The following RGS6 variants were observed in gnomAD, a reference collection of about 807,000 sequenced individuals.
The protein encoded by RGS6 is regulator of G protein signaling 6.
In RGS6, 30 loss-of-function variants were observed where a neutral mutation model predicts 78.5. The observed-to-expected ratio is 0.38, with a 90% CI of 0.29 to 0.52. RGS6 has a LOEUF of 0.52. Among genes scored for constraint, RGS6 ranks in the 20% least tolerant of loss-of-function variants. The pLI, the probability that RGS6 is intolerant of heterozygous loss-of-function variation, is 0.85. For missense variants in RGS6, 495 were observed against 609.7 expected (o/e 0.81, Z 1.98); for synonymous variants, 206 against 206.0 (o/e 1.00, Z 0.00).
At chr14:72,500,869 G>T (rs2096715097) in intron 13 of RGS6, among the ~76,000 whole-genome samples, 1 of 152,184 alleles carries the variant, frequency 6.6e-6, no homozygotes. Context: ...TAGCATTGAG[G>T]TGACCAGGGA....
chr14:72,078,525 C>T (rs948266336), intron 2 of RGS6, among the ~76,000 whole-genome samples: 39 of 151,976 alleles, frequency 2.6e-4, no homozygotes, highest in African/African-American at 8.2e-4. Flanking sequence ...GTGATTCTCC[C>T]GCCTCAGCTT....
At chr14:72,203,024 G>A (rs1185007896) in intron 2 of RGS6, among the ~76,000 whole-genome samples, 7 of 152,008 alleles carry the variant, frequency 4.6e-5, no homozygotes, top group East Asian at 3.9e-4. Flanking sequence ...ACAGGCGCCC[G>A]CCACCACACC....
At chr14:72,553,192 G>A (rs2153536096) in intron 17 of RGS6, 1 of 152,754 alleles carries the variant, frequency 6.5e-6, no homozygotes, top group South Asian at 2.1e-4. Flanking sequence ...GCAGCTGTGT[G>A]TGTGTCTGGG....
At position 72,476,782 on chromosome 14, in the gene RGS6, C is replaced by G. The variant is rs758574910; in HGVS notation, c.734C>G (p.Pro245Arg). The G allele has an allele frequency of 6.2e-7, 1 of 1,614,162 alleles. No homozygotes were observed. Among genetic ancestry groups the G allele is most frequent in the East Asian group, 2.2e-5 (1 of 44,886 alleles). Residue 245 changes from proline to arginine, a missense_variant, in exon 11 of 18, where the codon CCG (proline) becomes CGG (arginine). Pro to Arg is a moderately radical substitution (Grantham distance 103). Coordinates refer to ENST00000553525, the MANE Select transcript of RGS6 (RefSeq NM_001204424.2). ...ACTGAAGAGTCCCAGGCACAGAGCC[C>G]GGTGCATGTACTCAGCCAACCAATC... ...GVTEESQAQSPVHVLSQPIRK... is the reference protein window; with the variant it reads ...GVTEESQAQSRVHVLSQPIRK...
chr14:72,012,745 A>G (rs916134862), intron 2 of RGS6, among the ~76,000 whole-genome samples: 3 of 152,172 alleles, frequency 2.0e-5, no homozygotes, highest in Non-Finnish European at 2.9e-5. Context: ...ACAGAATTTG[A>G]ATTGTGCCTC....
rs764193121 is a variant in RGS6 at position 72,562,518 on chromosome 14, C to T, written c.*51C>T. 11 of 1,605,220 alleles carry T rather than the reference C, an allele frequency of 6.9e-6. No individual in the cohort carries two copies. The highest frequency in any genetic ancestry group is 1.7e-4 in the Middle Eastern group (1 of 6,002). On this transcript the variant is annotated 3_prime_UTR_variant, in exon 18 of 18. Transcript: ENST00000553525. ...TGGGCCCGCGGACCCCACAGGCAGG[C>T]GGCGGCGCTCCACATCTGCGGACAG...
rs190118869 is a variant in RGS6, at chr14:72,198,002, T to C, written c.85-154093T>C. 1.4e-4 allele frequency among the ~76,000 whole-genome samples: 22 copies of C among 152,326 alleles called. No individual in the cohort carries two copies. The East Asian group carries it at 4.0e-3, about 28-fold the overall frequency. ...TATATTTTAATTGCTTCCTGACTTA[T>C]CTCAGTCCTCTTCAGTATAATTTAG... On this transcript the variant is annotated intron_variant, in intron 2 of 17. Coordinates refer to ENST00000553525, the MANE Select transcript of RGS6 (RefSeq NM_001204424.2).
intron 2 of RGS6, among the ~76,000 whole-genome samples, chr14:72,272,780 A>G (rs549058812): frequency 5.3e-4 from 80 of 152,358 alleles, no homozygotes; most frequent in African/African-American, 1.8e-3. Flanking sequence ...TGAATTAGAG[A>G]TAAAATTATG....
chr14:72,386,906 G>C (rs1310698344), intron 3 of RGS6, among the ~76,000 whole-genome samples: 2 of 152,232 alleles, frequency 1.3e-5, no homozygotes, highest in Admixed American at 6.5e-5. Context: ...CTGGGGTGCT[G>C]GGGGTAGCAG....
At chr14:71,906,167 C>T in the RGS6 span, among the ~76,000 whole-genome samples, 1 of 152,208 alleles carries the variant, frequency 6.6e-6, no homozygotes, top group African/African-American at 2.4e-5. Context: ...TAGATCTCTG[C>T]GTATCCTCGC....
At chr14:72,596,853 TG>T in the RGS6 span, among the ~76,000 whole-genome samples, 1 of 152,196 alleles carries the variant, frequency 6.6e-6, no homozygotes, top group Non-Finnish European at 1.5e-5. Context: ...CAGCTCTGCC[TG>T]GTATTAGCTG....
At chr14:72,096,236 T>C (rs1212692302) in intron 2 of RGS6, among the ~76,000 whole-genome samples, 3 of 151,286 alleles carry the variant, frequency 2.0e-5, no homozygotes, top group Non-Finnish European at 4.4e-5. Flanking sequence ...ATTGCACCAC[T>C]GCACTCTGCA....
chr14:72,254,999 A>G (rs891275929), intron 2 of RGS6, among the ~76,000 whole-genome samples: 2 of 152,166 alleles, frequency 1.3e-5, no homozygotes, highest in Non-Finnish European at 2.9e-5. Context: ...AGAAACAGGG[A>G]TGGATTTTAT....
chr14:72,533,450 T>C (rs1567069554), intron 15 of RGS6, among the ~76,000 whole-genome samples: 1 of 152,242 alleles, frequency 6.6e-6, no homozygotes, highest in Admixed American at 6.5e-5. Flanking sequence ...TTCTGTAGCC[T>C]ATGGATCAAG....
At chr14:72,343,904 T>C (rs1215802342) in intron 2 of RGS6, among the ~76,000 whole-genome samples, 1 of 152,236 alleles carries the variant, frequency 6.6e-6, no homozygotes, top group African/African-American at 2.4e-5. Flanking sequence ...GGATTTTAGG[T>C]CTTCTGCGGT....
intron 2 of RGS6, among the ~76,000 whole-genome samples, chr14:72,306,136 TCTACTCTGCCTGTGCC>T (rs2067185338): frequency 6.6e-6 from 1 of 152,180 alleles, no homozygotes; most frequent in Non-Finnish European, 1.5e-5. Context: ...TGACGCTAAA[TCTACTCTGCCTGTGCC>T]CTAAAAATGG....
At chr14:72,300,446 C>T (rs1372688708) in intron 2 of RGS6, among the ~76,000 whole-genome samples, 1 of 152,164 alleles carries the variant, frequency 6.6e-6, no homozygotes, top group South Asian at 2.1e-4. Flanking sequence ...TACCTGCAGA[C>T]CTGATTATTC....
At chr14:72,090,863 G>C (rs1486746471) in intron 2 of RGS6, among the ~76,000 whole-genome samples, 1 of 151,988 alleles carries the variant, frequency 6.6e-6, no homozygotes, top group African/African-American at 2.4e-5. Context: ...CTCCTGTTGG[G>C]GCACTCGGTG....
rs146156084 is a variant in RGS6 at position 72,501,222 on chromosome 14, C to T, written c.965+5960C>T. On this transcript the variant is annotated intron_variant, in intron 13 of 17. Transcript: ENST00000553525. ...AAGGTGGAGAATATACTGAGTCTGC[C>T]GTGGGGAGGTTACAGACAGCCAAAT... 6.3e-3 allele frequency among the ~76,000 whole-genome samples: 964 copies of T among 152,034 alleles called. 3 individuals carry two copies. The highest frequency in any genetic ancestry group is 0.011 in the Non-Finnish European group (769 of 67,964).
Sources: allele counts gnomAD v4.1 joint callset (sites outside exome capture counted in the v4.1 genomes callset), GRCh38; gene constraint gnomAD v4.1.1; transcripts MANE v1.5; gene names NCBI Gene and HGNC (gene_info 2026-07-23, HGNC 2026-07-21).